The following THRB variants were observed in gnomAD, a reference collection of about 807,000 sequenced individuals.
THRB encodes nuclear receptor subfamily 1 group A member 2.
Under a neutral mutation model 47.8 loss-of-function variants are expected in THRB, and 12 were observed. The observed-to-expected ratio is 0.25, with a 90% confidence interval of 0.16 to 0.41. The LOEUF (loss-of-function observed/expected upper bound fraction) is 0.41. Ranked by LOEUF, THRB falls within the 10% of genes least tolerant of loss-of-function variation. The pLI is 1.00. For missense variants in THRB, 348 were observed against 589.2 expected, an observed-to-expected ratio of 0.59 and a Z score of 4.24; for synonymous variants, 218 against 212.2, an observed-to-expected ratio of 1.03 and a Z score of -0.24.
At chr3:24,215,167 T>C (rs1014696138) in intron 4 of THRB, among the ~76,000 whole-genome samples, 10 of 152,204 alleles carry the variant, frequency 6.6e-5, no homozygotes, top group Admixed American at 4.6e-4. Context: ...TATATATCAT[T>C]TATTAATCTA....
Position 24,318,284 on chromosome 3 carries a change from T to C in THRB, c.-189+19016A>G, listed in dbSNP as rs141892642. The C allele has an allele frequency of 2.0e-5, 3 of 152,442 alleles. No individual in the cohort carries two copies. In the East Asian group the frequency reaches 5.8e-4, roughly 29 times the overall value. The allele number at this position is 152,442 out of a possible 1,614,324, so 9.4% of individuals were successfully genotyped here. Reference sequence around the variant, plus strand: ...CTGTACACATCCTGGCTGTATCTTTTGCAAGTGCCTCCTGCATGTGCCTTA... The same window carrying C: ...CTGTACACATCCTGGCTGTATCTTTCGCAAGTGCCTCCTGCATGTGCCTTA... On this transcript the variant is annotated intron_variant, in intron 2 of 10. Transcript: ENST00000646209.
chr3:24,232,387 T>G (rs1013756023), intron 3 of THRB, among the ~76,000 whole-genome samples: 1 of 152,134 alleles, frequency 6.6e-6, no homozygotes, highest in African/African-American at 2.4e-5. Context: ...TATATACAGG[T>G]TTCACCTTAC....
chr3:24,247,280 C>G (rs2050198152), intron 3 of THRB, among the ~76,000 whole-genome samples: 1 of 152,172 alleles, frequency 6.6e-6, no homozygotes, highest in Non-Finnish European at 1.5e-5. Flanking sequence ...ATGATGATAA[C>G]AATAAAGGCG....
intron 3 of THRB, among the ~76,000 whole-genome samples, chr3:24,266,213 A>G (rs1239105995): frequency 6.6e-6 from 1 of 152,196 alleles, no homozygotes; most frequent in Non-Finnish European, 1.5e-5. Flanking sequence ...GAACAAAAAC[A>G]TATATTAAAA....
intron 1 of THRB, among the ~76,000 whole-genome samples, chr3:24,472,899 ATAAATTTTTATAAATTCTT>A (rs1244514513): frequency 2.0e-5 from 3 of 152,074 alleles, no homozygotes; most frequent in Admixed American, 6.5e-5. Flanking sequence ...TTTATAAATT[ATAAATTTTTATAAATTCTT>A]AATATTTACA....
intron 1 of THRB, among the ~76,000 whole-genome samples, chr3:24,479,131 T>C (rs1695964620): frequency 6.6e-6 from 1 of 152,018 alleles, no homozygotes; most frequent in Admixed American, 6.5e-5. Context: ...ACCCCGTCTC[T>C]ATTAAAAATA....
intron 1 of THRB, among the ~76,000 whole-genome samples, chr3:24,399,929 C>T (rs1292919166): frequency 6.6e-6 from 1 of 152,034 alleles, no homozygotes; most frequent in Non-Finnish European, 1.5e-5. Flanking sequence ...AGGACGTTAC[C>T]TCACCAGAAC....
In THRB at chr3:24,200,020, G is replaced by T. The variant is rs541112384; in HGVS notation, c.23-9686C>A. On this transcript the variant is annotated intron_variant, in intron 4 of 10. Transcript: ENST00000646209. ...ATTTGATTTTCCATAATTCATACCG[G>T]ATTTAATCAGAGAGTCCTTAGGTTG... 2.6e-5 allele frequency among the ~76,000 whole-genome samples: 4 copies of T among 152,254 alleles called. No individual in the cohort carries two copies. The East Asian group carries it at 7.7e-4, about 29-fold the overall frequency.
chr3:24,243,171 T>C (rs902031369), intron 3 of THRB, among the ~76,000 whole-genome samples: 12 of 151,924 alleles, frequency 7.9e-5, no homozygotes, highest in Non-Finnish European at 1.3e-4. Flanking sequence ...GCGTGGGTGA[T>C]TCTGATGCCC....
At chr3:24,427,626 GATT>G (rs1165852492) in intron 1 of THRB, among the ~76,000 whole-genome samples, 1 of 151,940 alleles carries the variant, frequency 6.6e-6, no homozygotes, top group African/African-American at 2.4e-5. Flanking sequence ...CAAATTTAGA[GATT>G]ATTACACACA....
At chr3:24,458,323 C>A (rs966316267) in intron 1 of THRB, 1 of 151,976 alleles carries the variant, frequency 6.6e-6, no homozygotes, top group African/African-American at 2.4e-5. Flanking sequence ...TTCTGAAGCA[C>A]AAAAGACCAC....
At chr3:24,446,111 T>C (rs1396752994) in intron 1 of THRB, among the ~76,000 whole-genome samples, 1 of 152,174 alleles carries the variant, frequency 6.6e-6, no homozygotes, top group Non-Finnish European at 1.5e-5. Flanking sequence ...AATATCAGAA[T>C]AAAATTTATT....
At chr3:24,168,642 G>A (rs1042261147) in intron 5 of THRB, among the ~76,000 whole-genome samples, 6 of 151,614 alleles carry the variant, frequency 4.0e-5, no homozygotes, top group Non-Finnish European at 7.4e-5. Flanking sequence ...GTTCTACTAG[G>A]TGTCTGACCC....
chr3:24,188,929 A>C (rs754548844), intron 5 of THRB, among the ~76,000 whole-genome samples: 1 of 147,348 alleles, frequency 6.8e-6, no homozygotes, highest in Non-Finnish European at 1.5e-5. Flanking sequence ...AGGGACATGT[A>C]TAGTTTTGAC....
Position 24,152,443 on chromosome 3 carries a change from C to T in THRB, c.331G>A (p.Gly111Ser), listed in dbSNP as rs1185248813. 6.2e-7 allele frequency: 1 copy of T among 1,612,674 alleles called. No homozygotes were observed. Among genetic ancestry groups the T allele is most frequent in the South Asian group, 1.1e-5 (1 of 91,046 alleles). Reference sequence around the variant, plus strand: ...TAGTGATACCCGGTGGCTTTGTCACCACACACTACACAGAGCTCGTCCTTG... The same window carrying T: ...TAGTGATACCCGGTGGCTTTGTCACTACACACTACACAGAGCTCGTCCTTG... ...LDKDELCVVC[G>S]DKATGYHYRC... Residue 111 changes from glycine to serine, a missense_variant, in exon 6 of 11, where the codon GGT (glycine) becomes AGT (serine). By Grantham distance (56) the Gly-to-Ser change is moderately conservative. Transcript: ENST00000646209.
intron 3 of THRB, 123 bp downstream of exon 3, chr3:24,297,103 G>A (rs1243322695): frequency 6.6e-6 from 1 of 152,218 alleles, no homozygotes; most frequent in Non-Finnish European, 1.5e-5. Flanking sequence ...GTATCCATGG[G>A]TTAGAAAGGA....
At chr3:24,196,332 G>C (rs2043951508) in intron 4 of THRB, among the ~76,000 whole-genome samples, 1 of 151,962 alleles carries the variant, frequency 6.6e-6, no homozygotes, top group Non-Finnish European at 1.5e-5. Context: ...GGTCATTAGA[G>C]AGGCCAAAAA....
intron 4 of THRB, among the ~76,000 whole-genome samples, chr3:24,225,826 CTTT>C (rs926976005): frequency 6.6e-6 from 1 of 152,036 alleles, no homozygotes; most frequent in Non-Finnish European, 1.5e-5. Context: ...TTACTTCCTT[CTTT>C]AAGAATTGTA....
chr3:24,342,330 G>T (rs984544640), intron 1 of THRB, among the ~76,000 whole-genome samples: 2 of 152,170 alleles, frequency 1.3e-5, no homozygotes, highest in African/African-American at 2.4e-5. Context: ...TGAAGGAAAA[G>T]ATGTGAAGTC....
Sources: gnomAD v4.1 joint callset for allele counts (sites outside exome capture counted in the v4.1 genomes callset) on GRCh38, gnomAD v4.1.1 for gene constraint, MANE v1.5 for transcripts, NCBI Gene and HGNC (gene_info 2026-07-23, HGNC 2026-07-21) for gene names.